CFAP77: variants seen among roughly 807,000 people sequenced by gnomAD.
The protein encoded by CFAP77 is cilia- and flagella-associated protein 77.
In CFAP77, 25 loss-of-function variants were observed where a neutral mutation model predicts 31.1. The observed-to-expected ratio is 0.80, with a 90% CI of 0.59 to 1.12. The LOEUF is 1.12. CFAP77 is among the 50% of genes most tolerant of loss of function. CFAP77 has a pLI of 0.00. For synonymous variants in CFAP77, 151 were observed against 159.9 expected (o/e 0.94, Z 0.42); for missense variants, 377 against 397.3 (o/e 0.95, Z 0.44).
Position 132,491,823 on chromosome 9 carries a change from G to A in CFAP77, c.196-6872G>A, listed in dbSNP as rs144286569. Among the ~76,000 whole-genome samples the A allele has an allele frequency of 1.2e-3, 180 of 152,322 alleles. 1 individual carries two copies. Among genetic ancestry groups the A allele is most frequent in the African/African-American group, 4.1e-3 (169 of 41,560 alleles). ...GATGTTTTTGTGACCAGACTGTGCC[G>A]TAGGAACTGAATTCTTGTTATCTAT... On this transcript the variant is annotated intron_variant, in intron 1 of 5. Coordinates refer to ENST00000393216, the MANE Select transcript of CFAP77 (RefSeq NM_001282957.2).
intron 1 of CFAP77, among the ~76,000 whole-genome samples, chr9:132,433,536 G>A (rs1172760727): frequency 1.4e-5 from 2 of 144,468 alleles, no homozygotes; most frequent in Non-Finnish European, 3.0e-5. Context: ...CTCTCCTCAC[G>A]TGGCTATTCA....
chr9:132,411,105 T>G (rs1054616180), intron 1 of CFAP77, among the ~76,000 whole-genome samples: 1 of 152,188 alleles, frequency 6.6e-6, no homozygotes, highest in African/African-American at 2.4e-5. Flanking sequence ...ACTTCCCTCC[T>G]CCCCACCTTT....
rs765160939 is a variant in CFAP77 at position 132,511,027 on chromosome 9, G to A, written c.524+11427G>A. ...CTCAGAACCCACATTCGTTACCTCCGGCCTATGCTGAGAGTTCATTTAGTG... is the reference window on the plus strand; with the variant it reads ...CTCAGAACCCACATTCGTTACCTCCAGCCTATGCTGAGAGTTCATTTAGTG... On this transcript the variant is annotated intron_variant, in intron 3 of 5. Transcript: ENST00000393216. The surrounding 1 kb of genome is among the most constrained non-coding windows in gnomAD (Gnocchi z 5.8). Among the ~76,000 whole-genome samples, 11 of 152,114 alleles carry A rather than the reference G, an allele frequency of 7.2e-5. No homozygotes were observed. Among genetic ancestry groups the A allele is most frequent in the South Asian group, 2.1e-4 (1 of 4,826 alleles).
chr9:132,485,748 G>A (rs551935136), intron 1 of CFAP77, among the ~76,000 whole-genome samples: 26 of 151,692 alleles, frequency 1.7e-4, no homozygotes, highest in South Asian at 1.5e-3. Context: ...TCATCCCTCC[G>A]TTCCTTCAGA....
chr9:132,496,045 T>C (rs1038790775), intron 1 of CFAP77, among the ~76,000 whole-genome samples: 2 of 152,184 alleles, frequency 1.3e-5, no homozygotes, highest in African/African-American at 4.8e-5. Context: ...TTTTACCCAC[T>C]CATTTATTCA....
intron 1 of CFAP77, among the ~76,000 whole-genome samples, chr9:132,444,631 CGTGCA>C (rs1389363844): frequency 6.6e-6 from 1 of 152,132 alleles, no homozygotes; most frequent in Non-Finnish European, 1.5e-5. Context: ...CTCCCGAAAT[CGTGCA>C]GTGTTTGGAT....
chr9:132,469,153 C>T (rs994517972), intron 1 of CFAP77, among the ~76,000 whole-genome samples: 7 of 152,080 alleles, frequency 4.6e-5, no homozygotes, highest in African/African-American at 9.7e-5. Context: ...CAGGGTAGAA[C>T]GAGCTCTCTG....
intron 5 of CFAP77, among the ~76,000 whole-genome samples, chr9:132,546,769 C>T (rs1397245943): frequency 6.6e-6 from 1 of 152,224 alleles, no homozygotes; most frequent in Non-Finnish European, 1.5e-5. Flanking sequence ...GGCTGGGGCC[C>T]AGAAGGGGGT....
chr9:132,524,377 G>A (rs2119025369), intron 3 of CFAP77, among the ~76,000 whole-genome samples: 1 of 151,802 alleles, frequency 6.6e-6, no homozygotes, highest in South Asian at 2.1e-4. Context: ...AAGGCGGGCG[G>A]ATCACTTGAG....
chr9:132,455,880 G>A lies in CFAP77; in HGVS notation c.196-42815G>A, dbSNP rs540360269. On this transcript the variant is annotated intron_variant, in intron 1 of 5. Transcript: ENST00000393216. This position sits in a 1 kb window ranked among gnomAD's most constrained non-coding sequence, Gnocchi z 4.1. ...TAGTGGCCAGGATGTGGGCTTTGAGGTCCACAGACACAGACCCGAGTTCTC... is the reference window on the plus strand; with the variant it reads ...TAGTGGCCAGGATGTGGGCTTTGAGATCCACAGACACAGACCCGAGTTCTC... Among the ~76,000 whole-genome samples, 11 of 152,330 alleles carry A rather than the reference G, an allele frequency of 7.2e-5. No homozygotes were observed. In the South Asian group the frequency reaches 2.3e-3, roughly 32 times the overall value.
chr9:132,470,737 G>A (rs201050212), intron 1 of CFAP77, among the ~76,000 whole-genome samples: 4 of 152,232 alleles, frequency 2.6e-5, no homozygotes, highest in East Asian at 1.9e-4. Flanking sequence ...GGCCGGGCAC[G>A]GTGGCTTACG....
Position 132,517,396 on chromosome 9 carries a change from C to T in CFAP77, c.524+17796C>T, listed in dbSNP as rs1382130345. ...TAAGGACCCGTCTTGAGTGGAATCA[C>T]GTTGAACAGACCTCGGCGCTGTCAT... On this transcript the variant is annotated intron_variant, in intron 3 of 5. Coordinates refer to ENST00000393216, the MANE Select transcript of CFAP77 (RefSeq NM_001282957.2). The surrounding 1 kb of genome is among the most constrained non-coding windows in gnomAD (Gnocchi z 4.7). Among the ~76,000 whole-genome samples, 4 of 152,202 alleles carry T rather than the reference C, an allele frequency of 2.6e-5. No homozygotes were observed. Among genetic ancestry groups the T allele is most frequent in the African/African-American group, 7.2e-5 (3 of 41,458 alleles).
At chr9:132,510,348 G>A (rs1003737673) in intron 3 of CFAP77, among the ~76,000 whole-genome samples, 2 of 152,212 alleles carry the variant, frequency 1.3e-5, no homozygotes, top group African/African-American at 2.4e-5. Context: ...GTCCAGAGTC[G>A]GGAGTCCGGC....
At chr9:132,433,269 G>A (rs568234963) in intron 1 of CFAP77, among the ~76,000 whole-genome samples, 1 of 152,186 alleles carries the variant, frequency 6.6e-6, no homozygotes, top group Non-Finnish European at 1.5e-5. Context: ...AATGGTAAGG[G>A]CCTGAGAAAT....
intron 1 of CFAP77, among the ~76,000 whole-genome samples, chr9:132,488,367 A>T (rs1392158947): frequency 6.6e-6 from 1 of 152,156 alleles, no homozygotes; most frequent in African/African-American, 2.4e-5. Context: ...TGGCTTCCCC[A>T]CTTTTCACCT....
At chr9:132,483,411 C>T (rs985284812) in intron 1 of CFAP77, among the ~76,000 whole-genome samples, 1 of 152,164 alleles carries the variant, frequency 6.6e-6, no homozygotes, top group Admixed American at 6.5e-5. Flanking sequence ...AGCGTCGAGC[C>T]CCTGAGCTCC....
chr9:132,566,218 C>T (rs982010106), intron 5 of CFAP77, among the ~76,000 whole-genome samples: 2 of 152,096 alleles, frequency 1.3e-5, no homozygotes, highest in African/African-American at 2.4e-5. Context: ...TTGCAGCCAG[C>T]GACTTTTGCT....
At chr9:132,465,884 C>A (rs916341450) in intron 1 of CFAP77, among the ~76,000 whole-genome samples, 4 of 152,094 alleles carry the variant, frequency 2.6e-5, no homozygotes, top group African/African-American at 9.7e-5. Flanking sequence ...TAAAAACTTA[C>A]CGGAGGCAAG....
intron 1 of CFAP77, among the ~76,000 whole-genome samples, chr9:132,483,142 G>A (rs990704482): frequency 5.3e-4 from 80 of 151,728 alleles, no homozygotes; most frequent in Admixed American, 2.1e-3. Flanking sequence ...GTGGTGGTGC[G>A]TGCCTGTAAT....
Sources: allele counts gnomAD v4.1 joint callset (sites outside exome capture counted in the v4.1 genomes callset), GRCh38; gene constraint gnomAD v4.1.1; non-coding constraint Gnocchi (gnomAD v3.1); transcripts MANE v1.5; gene names NCBI Gene and HGNC (gene_info 2026-07-23, HGNC 2026-07-21).